ST7: variants seen among roughly 807,000 people sequenced by gnomAD.
The protein encoded by ST7 is suppressor of tumorigenicity 7 protein.
In ST7, 28 loss-of-function variants were observed where a neutral mutation model predicts 78.7. That is an observed-to-expected ratio of 0.36 (90% CI 0.26 to 0.49). The LOEUF (loss-of-function observed/expected upper bound fraction) is 0.49. Ranked by LOEUF, ST7 falls within the 20% of genes least tolerant of loss-of-function variation. The probability of loss-of-function intolerance (pLI) is 0.99; values close to 1 mark genes in which losing one functional copy is unlikely to be tolerated. For synonymous variants in ST7, 247 were observed against 249.6 expected (o/e 0.99, Z 0.10); for missense variants, 418 against 696.0 (o/e 0.60, Z 4.49).
chr7:117,182,690 G>A (rs1375721051), intron 10 of ST7: 1 of 152,188 alleles, frequency 6.6e-6, no homozygotes, highest in East Asian at 1.9e-4. Context: ...CTGGTATTCA[G>A]AGACGTAGAG....
At chr7:117,175,052 C>A (rs1173056451) in intron 10 of ST7, among the ~76,000 whole-genome samples, 1 of 152,232 alleles carries the variant, frequency 6.6e-6, no homozygotes, top group East Asian at 1.9e-4. Flanking sequence ...TCTAATCATT[C>A]TTTAAGAACT....
chr7:117,018,205 C>T (rs1335562348), intron 1 of ST7, among the ~76,000 whole-genome samples: 1 of 152,216 alleles, frequency 6.6e-6, no homozygotes, highest in Non-Finnish European at 1.5e-5. Flanking sequence ...TCTTGCCTTT[C>T]TGACGGCCAC....
At chr7:117,096,438 A>G (rs143749122) in intron 1 of ST7, among the ~76,000 whole-genome samples, 2 of 152,298 alleles carry the variant, frequency 1.3e-5, no homozygotes, top group Non-Finnish European at 2.9e-5. Context: ...AATCTATCTT[A>G]TAGTATCATT....
chr7:117,169,322 GA>G (rs1584508426), intron 9 of ST7, among the ~76,000 whole-genome samples: 1 of 151,960 alleles, frequency 6.6e-6, no homozygotes, highest in Middle Eastern at 3.4e-3. Context: ...TTTTAGTAGA[GA>G]TGGGGTTTTG....
At position 116,997,093 on chromosome 7, in the gene ST7, T is replaced by C. The variant is rs1238918288; in HGVS notation, c.151+43402T>C. 2.6e-5 allele frequency among the ~76,000 whole-genome samples: 4 copies of C among 152,162 alleles called. No individual in the cohort carries two copies. The East Asian group carries it at 7.7e-4, about 29-fold the overall frequency. On this transcript the variant is annotated intron_variant, in intron 1 of 15. Coordinates refer to ENST00000323984, the MANE Select transcript of ST7 (RefSeq NM_001369598.1). ...GTTTGTTCCTTCTGATGTTCGGATG[T>C]GTTCTGAGTTTCTTCCTTCTGGTGG... is the stretch of plus-strand genomic sequence containing the variant.
At chr7:116,980,254 A>G (rs1793899216) in intron 1 of ST7, among the ~76,000 whole-genome samples, 1 of 152,110 alleles carries the variant, frequency 6.6e-6, no homozygotes. Flanking sequence ...CACCACGCCC[A>G]GCATTCATAT....
chr7:116,977,603 G>GT (rs1793762746), intron 1 of ST7, among the ~76,000 whole-genome samples: 1 of 152,208 alleles, frequency 6.6e-6, no homozygotes, highest in Admixed American at 6.5e-5. Context: ...CCAGGCTGGA[G>GT]TGCAGTGGCA....
At chr7:117,095,458 G>A (rs1304067026) in intron 1 of ST7, among the ~76,000 whole-genome samples, 2 of 152,150 alleles carry the variant, frequency 1.3e-5, no homozygotes, top group African/African-American at 2.4e-5. Flanking sequence ...TCTTCTCAGT[G>A]CCACACTTAA....
chr7:117,048,870 G>A (rs184943632), intron 1 of ST7, among the ~76,000 whole-genome samples: 1 of 152,148 alleles, frequency 6.6e-6, no homozygotes, highest in African/African-American at 2.4e-5. Context: ...TGTGTGTAAT[G>A]AGCCTTAAAA....
chr7:117,009,523 A>G (rs1795303281), intron 1 of ST7, among the ~76,000 whole-genome samples: 2 of 152,134 alleles, frequency 1.3e-5, no homozygotes, highest in South Asian at 4.1e-4. Flanking sequence ...TGTATATAAA[A>G]TGACCATCAC....
intron 2 of ST7, among the ~76,000 whole-genome samples, chr7:117,100,464 ACT>A (rs1016699921): frequency 1.7e-4 from 26 of 152,236 alleles, no homozygotes; most frequent in African/African-American, 6.3e-4. Context: ...ACAGAGCAAG[ACT>A]CTGTCTCAAA....
chr7:117,056,048 GT>G (rs1245636094), intron 1 of ST7, among the ~76,000 whole-genome samples: 1 of 152,006 alleles, frequency 6.6e-6, no homozygotes, highest in African/African-American at 2.4e-5. Flanking sequence ...GTCTTTTCAC[GT>G]TTTTCTGCCT....
At chr7:116,968,940 C>A (rs1793278082) in intron 1 of ST7, among the ~76,000 whole-genome samples, 1 of 151,922 alleles carries the variant, frequency 6.6e-6, no homozygotes, top group Non-Finnish European at 1.5e-5. Flanking sequence ...CATTTTGAAG[C>A]ATTAAAAATA....
At chr7:116,999,136 C>G (rs1794809903) in intron 1 of ST7, among the ~76,000 whole-genome samples, 1 of 152,192 alleles carries the variant, frequency 6.6e-6, no homozygotes, top group Admixed American at 6.5e-5. Context: ...GTGCTATATA[C>G]TGCCTTCCAA....
intron 1 of ST7, among the ~76,000 whole-genome samples, chr7:116,955,602 T>C (rs909627144): frequency 2.0e-5 from 3 of 152,350 alleles, no homozygotes; most frequent in African/African-American, 7.2e-5. Flanking sequence ...AATATTAATG[T>C]TTCTCCTTAT....
chr7:117,131,839 A>G (rs1804384468), intron 5 of ST7, 46 bp from the exon 6 acceptor site: 2 of 1,518,662 alleles, frequency 1.3e-6, no homozygotes, highest in South Asian at 1.1e-5. Flanking sequence ...AGTCTACCTA[A>G]TTATATGTAT....
chr7:117,064,173 A>G (rs902211719), intron 1 of ST7, among the ~76,000 whole-genome samples: 1 of 149,714 alleles, frequency 6.7e-6, no homozygotes, highest in African/African-American at 2.4e-5. Flanking sequence ...TTATGGGACA[A>G]TATACATGGG....
intron 1 of ST7, among the ~76,000 whole-genome samples, chr7:117,060,729 G>A (rs1441882819): frequency 6.6e-6 from 1 of 152,128 alleles, no homozygotes; most frequent in East Asian, 1.9e-4. Flanking sequence ...TGCCTGGCCA[G>A]GCGTAGTGGC....
chr7:117,153,917 G>A (rs1316441841), intron 9 of ST7, among the ~76,000 whole-genome samples: 1 of 152,172 alleles, frequency 6.6e-6, no homozygotes, highest in Non-Finnish European at 1.5e-5. Context: ...ACCTGAGCAT[G>A]TGCCAGTGTG....
Sources: gnomAD v4.1 joint callset for allele counts (sites outside exome capture counted in the v4.1 genomes callset) on GRCh38, gnomAD v4.1.1 for gene constraint, MANE v1.5 for transcripts, NCBI Gene and HGNC (gene_info 2026-07-23, HGNC 2026-07-21) for gene names.